The following CAMTA1 variants were observed in gnomAD, a reference collection of about 807,000 sequenced individuals.
CAMTA1 encodes the protein calmodulin binding transcription activator 1, also known as calmodulin-binding transcription activator 1.
A neutral mutation model predicts 170.9 loss-of-function variants in CAMTA1; 27 were observed. The observed-to-expected ratio is 0.16, with a 90% CI of 0.12 to 0.22. The LOEUF is 0.22. Among genes scored for constraint, CAMTA1 ranks in the 10% least tolerant of loss-of-function variants. The pLI is 1.00. For synonymous variants in CAMTA1, 833 were observed against 891.5 expected (o/e 0.93, Z 1.17); for missense variants, 1,619 against 2,217.2 (o/e 0.73, Z 5.42).
chr1:6,884,518 T>C (rs1331767958), intron 3 of CAMTA1, among the ~76,000 whole-genome samples: 2 of 152,168 alleles, frequency 1.3e-5, no homozygotes, highest in African/African-American at 4.8e-5. Context: ...CATGAAAGCC[T>C]CCAAGGAGGA....
chr1:6,881,750 G>C (rs1489008374), intron 3 of CAMTA1, among the ~76,000 whole-genome samples: 1 of 152,174 alleles, frequency 6.6e-6, no homozygotes, highest in African/African-American at 2.4e-5. Flanking sequence ...GGCGGATCTT[G>C]AGGTCAGGAG....
chr1:7,550,227 C>G (rs771686868), intron 6 of CAMTA1, among the ~76,000 whole-genome samples: 1 of 152,106 alleles, frequency 6.6e-6, no homozygotes. Flanking sequence ...GGAAGAGAAG[C>G]TGATACAGAG....
At chr1:7,622,640 T>A (rs1436704280) in intron 6 of CAMTA1, among the ~76,000 whole-genome samples, 1 of 152,266 alleles carries the variant, frequency 6.6e-6, no homozygotes, top group African/African-American at 2.4e-5. Context: ...AGCATGAGCC[T>A]ATCCTGGTGA....
intron 4 of CAMTA1, among the ~76,000 whole-genome samples, chr1:7,161,817 G>A (rs1558187930): frequency 6.6e-6 from 1 of 152,248 alleles, no homozygotes; most frequent in Non-Finnish European, 1.5e-5. Context: ...GGACGGGCAA[G>A]GGTCTCATTC....
Position 6,971,699 on chromosome 1 carries a change from A to G in CAMTA1, c.235-119605A>G, listed in dbSNP as rs1435163383. On this transcript the variant is annotated intron_variant, in intron 3 of 22. Coordinates refer to ENST00000303635, the MANE Select transcript of CAMTA1 (RefSeq NM_015215.4). This position sits in a 1 kb window ranked among gnomAD's most constrained non-coding sequence, Gnocchi z 4.6. Reference sequence around the variant, plus strand: ...GGCTGGGATAAAAACCCCCATGACCATCCTCCATGCTTATTAGGTAAGTGA... The same window carrying G: ...GGCTGGGATAAAAACCCCCATGACCGTCCTCCATGCTTATTAGGTAAGTGA... Among the ~76,000 whole-genome samples, 1 of 152,154 alleles carries G rather than the reference A, an allele frequency of 6.6e-6. No homozygotes were observed. Among genetic ancestry groups the G allele is most frequent in the Non-Finnish European group, 1.5e-5 (1 of 68,022 alleles).
At chr1:7,705,436 C>T (rs1558175083) in intron 11 of CAMTA1, among the ~76,000 whole-genome samples, 3 of 149,008 alleles carry the variant, frequency 2.0e-5, no homozygotes, top group Admixed American at 6.7e-5. Flanking sequence ...GCGCGCGGGC[C>T]GGATGAGCTT....
chr1:6,937,513 T>C (rs111161890), intron 3 of CAMTA1, among the ~76,000 whole-genome samples: 50 of 82,138 alleles, frequency 6.1e-4, no homozygotes, highest in East Asian at 1.2e-3. Flanking sequence ...TTACTACCAC[T>C]ATCATCACCA....
At chr1:7,033,275 T>G (rs1160206550) in intron 3 of CAMTA1, among the ~76,000 whole-genome samples, 3 of 152,198 alleles carry the variant, frequency 2.0e-5, no homozygotes, top group Admixed American at 6.5e-5. Context: ...TCTTTAGTGG[T>G]GTCTAATTGT....
intron 3 of CAMTA1, among the ~76,000 whole-genome samples, chr1:7,023,333 C>T (rs115436073): frequency 0.02 from 3,112 of 152,296 alleles, 89 homozygotes; most frequent in African/African-American, 0.07. Context: ...TTCCTCAACA[C>T]AAGGCACACA....
chr1:7,555,400 G>A (rs1009045209), intron 6 of CAMTA1, among the ~76,000 whole-genome samples: 6 of 152,038 alleles, frequency 3.9e-5, no homozygotes, highest in East Asian at 1.9e-4. Context: ...CCCTCCATGG[G>A]TCCTGTGGGT....
intron 3 of CAMTA1, among the ~76,000 whole-genome samples, chr1:6,994,868 A>T (rs1449610993): frequency 6.6e-6 from 1 of 152,080 alleles, no homozygotes; most frequent in Admixed American, 6.5e-5. Context: ...GAGTTTCGCC[A>T]TGTTGGTCAG....
At chr1:7,017,214 T>G (rs1271082054) in intron 3 of CAMTA1, among the ~76,000 whole-genome samples, 1 of 152,234 alleles carries the variant, frequency 6.6e-6, no homozygotes, top group East Asian at 1.9e-4. Context: ...ACACATGCCT[T>G]GTGATGCTGG....
intron 3 of CAMTA1, among the ~76,000 whole-genome samples, chr1:6,921,548 C>T (rs887250784): frequency 6.6e-6 from 1 of 152,192 alleles, no homozygotes; most frequent in African/African-American, 2.4e-5. Flanking sequence ...CCCTACTCTA[C>T]TGGTACCAAT....
chr1:7,193,452 G>T (rs1654924820), intron 4 of CAMTA1, among the ~76,000 whole-genome samples: 1 of 151,928 alleles, frequency 6.6e-6, no homozygotes, highest in South Asian at 2.1e-4. Context: ...ACTTCAGCAG[G>T]TGACTGCAGC....
chr1:7,518,321 A>G (rs2094314508), intron 6 of CAMTA1, among the ~76,000 whole-genome samples: 2 of 151,898 alleles, frequency 1.3e-5, no homozygotes, highest in Non-Finnish European at 2.9e-5. Flanking sequence ...TATGGCTTCC[A>G]TCCCTAATAT....
chr1:7,366,614 T>C (rs151016572), intron 5 of CAMTA1, among the ~76,000 whole-genome samples: 1,869 of 152,344 alleles, frequency 0.012, 36 homozygotes, highest in African/African-American at 0.042. Flanking sequence ...CATTGAGCTC[T>C]TCCCACCCCA....
intron 5 of CAMTA1, among the ~76,000 whole-genome samples, chr1:7,341,816 G>A (rs554104730): frequency 2.0e-5 from 3 of 152,322 alleles, no homozygotes; most frequent in South Asian, 4.1e-4. Flanking sequence ...TAGGATAAAT[G>A]AGAATTAAGT....
rs1359248130 is a variant in CAMTA1 at position 7,014,115 on chromosome 1, GC to G, written c.235-77188del. ...CTTGCTCTGCCAAGGGGACCGGCTG[GC>G]TGGGGCAGCGCCTGGGCAGGGCTGT... On this transcript the variant is annotated intron_variant, in intron 3 of 22. Coordinates refer to ENST00000303635, the MANE Select transcript of CAMTA1 (RefSeq NM_015215.4). This position sits in a 1 kb window ranked among gnomAD's most constrained non-coding sequence, Gnocchi z 4.2. The G allele has an allele frequency of 6.6e-6, 1 of 150,998 alleles. No individual in the cohort carries two copies. Among genetic ancestry groups the G allele is most frequent in the African/African-American group, 2.5e-5 (1 of 40,034 alleles). The allele number at this position is 150,998 out of a possible 1,614,324, so 9.4% of individuals were successfully genotyped here. A position where few individuals can be genotyped will look rare whatever the true frequency, so the allele number is the denominator to read the frequency against.
intron 22 of CAMTA1, among the ~76,000 whole-genome samples, chr1:7,764,762 C>G (rs1176492690): frequency 1.3e-5 from 2 of 152,064 alleles, no homozygotes; most frequent in African/African-American, 2.4e-5. Context: ...GAGTTCAAGA[C>G]CAGCCTGGCC....
Sources: gnomAD v4.1 joint callset for allele counts (sites outside exome capture counted in the v4.1 genomes callset) on GRCh38, gnomAD v4.1.1 for gene constraint, Gnocchi (gnomAD v3.1) non-coding constraint, MANE v1.5 for transcripts, NCBI Gene and HGNC (gene_info 2026-07-23, HGNC 2026-07-21) for gene names.